The following RPH3A variants were observed in gnomAD, a reference collection of about 807,000 sequenced individuals.
RPH3A encodes rabphilin 3A.
RPH3A carries 48 observed loss-of-function variants against 102.2 expected under a neutral mutation model. The observed-to-expected ratio is 0.47, with a 90% CI of 0.37 to 0.60. RPH3A has a LOEUF of 0.60. RPH3A is among the 20% of genes least tolerant of loss of function. The pLI, the probability that RPH3A is intolerant of heterozygous loss-of-function variation, is 0.00. For missense variants in RPH3A, 781 were observed against 910.1 expected, an observed-to-expected ratio of 0.86 and a Z score of 1.83; for synonymous variants, 310 against 324.3, an observed-to-expected ratio of 0.96 and a Z score of 0.47.
intron 1 of RPH3A, among the ~76,000 whole-genome samples, chr12:112,604,637 C>T (rs1411184725): frequency 2.0e-5 from 3 of 152,138 alleles, no homozygotes; most frequent in African/African-American, 7.2e-5. Flanking sequence ...GTGACATTTA[C>T]GATCTCATGT....
At chr12:112,798,339 C>T (rs755220389) in intron 2 of RPH3A, among the ~76,000 whole-genome samples, 26 of 152,208 alleles carry the variant, frequency 1.7e-4, no homozygotes, top group Non-Finnish European at 3.2e-4. Context: ...GGGGAAATAT[C>T]TTCTCATCTC....
intron 4 of RPH3A, among the ~76,000 whole-genome samples, chr12:112,845,221 G>T (rs548299543): frequency 3.3e-5 from 5 of 152,134 alleles, no homozygotes; most frequent in Admixed American, 6.5e-5. Context: ...CCACCATACT[G>T]GTCTTCTTTC....
At chr12:112,722,067 G>T (rs544480845) in intron 1 of RPH3A, among the ~76,000 whole-genome samples, 1 of 152,312 alleles carries the variant, frequency 6.6e-6, no homozygotes, top group East Asian at 1.9e-4. Flanking sequence ...GCTGAAAGAG[G>T]CAGAGAAATT....
intron 18 of RPH3A, 46 bp downstream of exon 18, chr12:112,890,126 G>A (rs111845172): frequency 2.3e-5 from 35 of 1,541,718 alleles, no homozygotes; most frequent in African/African-American, 2.0e-4. Flanking sequence ...GTCTGTACTG[G>A]GCTAGGCTAG....
Position 112,894,676 on chromosome 12 carries a change from C to G in RPH3A, c.1857+17C>G. ...TTCAATGAGGTAAGGCTGCCCTATT[C>G]TTTTTCATGCTCTGGGATATTTGCT... On this transcript the variant is annotated intron_variant, in intron 20 of 21. Transcript: ENST00000389385. The G allele has an allele frequency of 1.2e-6, 2 of 1,608,486 alleles. No homozygotes were observed. Among genetic ancestry groups the G allele is most frequent in the African/African-American group, 1.3e-5 (1 of 74,782 alleles).
intron 1 of RPH3A, among the ~76,000 whole-genome samples, chr12:112,593,055 G>A (rs2039490565): frequency 1.3e-5 from 2 of 152,182 alleles, no homozygotes; most frequent in Non-Finnish European, 2.9e-5. Context: ...CATTATGTGA[G>A]GGGATGGGGC....
intron 5 of RPH3A, among the ~76,000 whole-genome samples, chr12:112,864,248 C>T (rs955807890): frequency 2.4e-4 from 36 of 152,138 alleles, no homozygotes; most frequent in Middle Eastern, 3.4e-3. Flanking sequence ...GTCAGGAGAT[C>T]AAGATAATCC....
intron 1 of RPH3A, among the ~76,000 whole-genome samples, chr12:112,762,512 T>C (rs1284578183): frequency 6.6e-6 from 1 of 152,156 alleles, no homozygotes; most frequent in Non-Finnish European, 1.5e-5. Context: ...CTTCCCCCAA[T>C]CTTATCATTC....
chr12:112,801,046 G>C (rs997058035), intron 2 of RPH3A, among the ~76,000 whole-genome samples: 1 of 152,058 alleles, frequency 6.6e-6, no homozygotes, highest in African/African-American at 2.4e-5. Flanking sequence ...GCAGGATATC[G>C]TAACTTGGCA....
In RPH3A at chr12:112,774,070, A is replaced by G. The variant is rs1284473939; in HGVS notation, c.-139-18073A>G. On this transcript the variant is annotated intron_variant, in intron 1 of 21. Transcript: ENST00000543106. ...ACTGCACTCCAGCCTGGGCAAAAAA[A>G]AAAAAAAGAAAAAGAGAAAGGTAGA... Among the ~76,000 whole-genome samples, 5 of 150,982 alleles carry G rather than the reference A, an allele frequency of 3.3e-5. 1 individual carries two copies. The highest frequency in any genetic ancestry group is 4.9e-5 in the African/African-American group (2 of 40,972).
At position 112,593,630 on chromosome 12, in the gene RPH3A, A is replaced by G. The variant is rs567079169; in HGVS notation, c.-140+18311A>G. 2.0e-5 allele frequency among the ~76,000 whole-genome samples: 3 copies of G among 152,320 alleles called. No homozygotes were observed. In the East Asian group the frequency reaches 5.8e-4, roughly 29 times the overall value. On this transcript the variant is annotated intron_variant, in intron 1 of 21. Coordinates refer to the RPH3A transcript ENST00000543106. ...CATATACCTACTCTTTTTCTCATAGATGGTGCGTTAGATTGGAAGGCCACC... is the reference window on the plus strand; with the variant it reads ...CATATACCTACTCTTTTTCTCATAGGTGGTGCGTTAGATTGGAAGGCCACC...
At chr12:112,603,418 A>C (rs2135969944) in intron 1 of RPH3A, among the ~76,000 whole-genome samples, 1 of 152,272 alleles carries the variant, frequency 6.6e-6, no homozygotes, top group East Asian at 1.9e-4. Context: ...TTTATTAAGA[A>C]AGGAAAGCAG....
At chr12:112,837,809 G>T (rs1447601516) in intron 4 of RPH3A, 2 of 455,770 alleles carry the variant, frequency 4.4e-6, no homozygotes, top group Non-Finnish European at 8.8e-6. Context: ...CAGGTTGAAA[G>T]GTAGCATGTT....
At chr12:112,733,283 A>G (rs910914190) in intron 1 of RPH3A, among the ~76,000 whole-genome samples, 6 of 152,214 alleles carry the variant, frequency 3.9e-5, no homozygotes, top group African/African-American at 1.2e-4. Context: ...ATTCCTGTGC[A>G]TATACACCCA....
At chr12:112,805,468 CTT>C (rs1365236842) in intron 2 of RPH3A, among the ~76,000 whole-genome samples, 1 of 152,156 alleles carries the variant, frequency 6.6e-6, no homozygotes, top group African/African-American at 2.4e-5. Flanking sequence ...GATGAATCCT[CTT>C]TTTCACTGCC....
At chr12:112,847,597 G>A (rs2042251673) in intron 4 of RPH3A, 99 bp from the exon 5 acceptor site, 8 of 1,304,032 alleles carry the variant, frequency 6.1e-6, no homozygotes, top group Non-Finnish European at 3.2e-6. Context: ...TGAGAGAGAT[G>A]ATCCTTTTGT....
chr12:112,842,297 A>G lies in RPH3A; in HGVS notation c.84-5399A>G, dbSNP rs188093897. 1.8e-4 allele frequency among the ~76,000 whole-genome samples: 28 copies of G among 152,362 alleles called. No individual in the cohort carries two copies. In the East Asian group the frequency reaches 5.2e-3, roughly 28 times the overall value. ...TTAATAATAAGAAAAAGAAAACACA[A>G]GTTCAGCTTTTTGGAGCATTTACCA... On this transcript the variant is annotated intron_variant, in intron 4 of 21. Coordinates refer to ENST00000389385, the MANE Select transcript of RPH3A (RefSeq NM_001143854.2).
At chr12:112,756,687 C>G (rs2040825439) in intron 1 of RPH3A, among the ~76,000 whole-genome samples, 1 of 152,216 alleles carries the variant, frequency 6.6e-6, no homozygotes, top group African/African-American at 2.4e-5. Context: ...GTATCTAGCT[C>G]TTACACTTCT....
Position 112,619,647 on chromosome 12 carries a change from T to C in RPH3A, c.-140+44328T>C, listed in dbSNP as rs193208174. The stretch of plus-strand genomic sequence containing the variant: ...TTTTCAAAGCAACTGCACCATTTGA[T>C]GTTTCCACCAGCAGTGTATGAGGGT... On this transcript the variant is annotated intron_variant, in intron 1 of 21. Transcript: ENST00000543106. 5.6e-4 allele frequency among the ~76,000 whole-genome samples: 86 copies of C among 152,306 alleles called. No individual in the cohort carries two copies. In the Middle Eastern group the frequency reaches 0.01, roughly 18 times the overall value.
Sources: allele counts gnomAD v4.1 joint callset (sites outside exome capture counted in the v4.1 genomes callset), GRCh38; gene constraint gnomAD v4.1.1; transcripts MANE v1.5; gene names NCBI Gene and HGNC (gene_info 2026-07-23, HGNC 2026-07-21).